Variants in PTPN9 observed in about 807,000 individuals in gnomAD.
The protein encoded by PTPN9 is protein tyrosine phosphatase non-receptor type 9.
In PTPN9, 26 loss-of-function variants were observed where a neutral mutation model predicts 69.8. That is an observed-to-expected ratio of 0.37 (90% CI 0.27 to 0.52). PTPN9 has a LOEUF of 0.52. PTPN9 is among the 20% of genes least tolerant of loss of function. The pLI, the probability that PTPN9 is intolerant of heterozygous loss-of-function variation, is 0.91. For missense variants in PTPN9, 549 were observed against 740.3 expected (o/e 0.74, Z 3.00); for synonymous variants, 274 against 272.5 (o/e 1.01, Z -0.05).
intron 1 of PTPN9, among the ~76,000 whole-genome samples, chr15:75,562,040 A>C (rs373704760): frequency 1.2e-4 from 18 of 151,712 alleles, no homozygotes; most frequent in African/African-American, 4.1e-4. Context: ...TTGTGTAGAC[A>C]TGGGGTCTTG....
chr15:75,536,845 A>T (rs772694974), intron 1 of PTPN9, among the ~76,000 whole-genome samples: 14 of 152,196 alleles, frequency 9.2e-5, no homozygotes, highest in Non-Finnish European at 1.9e-4. Flanking sequence ...AGGAAAAAAA[A>T]TCTAGCAACA....
chr15:75,504,753 T>C (rs1030671065), intron 7 of PTPN9, among the ~76,000 whole-genome samples: 1 of 137,684 alleles, frequency 7.3e-6, no homozygotes, highest in African/African-American at 2.8e-5. Context: ...TACTGGGAAG[T>C]GAGGAGCCCC....
chr15:75,530,900 TTA>T (rs1478368541), intron 1 of PTPN9, among the ~76,000 whole-genome samples: 1 of 117,650 alleles, frequency 8.5e-6, no homozygotes, highest in African/African-American at 3.2e-5. Flanking sequence ...ATATATTATA[TTA>T]TATATTATAA....
intron 5 of PTPN9, 81 bp from the exon 6 acceptor site, chr15:75,509,108 C>A: frequency 8.7e-7 from 1 of 1,144,198 alleles, no homozygotes; most frequent in Non-Finnish European, 1.3e-6. Context: ...CTGCTCTTCT[C>A]CCCATTCTTA....
At position 75,469,910 on chromosome 15, in the gene PTPN9, G is replaced by A. The variant is rs766606134; in HGVS notation, c.1449C>T (p.Phe483=). ...VPSSAASLID[F]LRVVRNQQSL... ...TCTGCTGGTTTCTGACCACTCTCAA[G>A]AAGTCAATGAGGGAAGCTGCTGAGG... The change falls in exon 12 of 13, where the codon TTC becomes TTT. Residue 483 remains phenylalanine, a synonymous_variant. Transcript: ENST00000618819. 5 of 1,614,214 alleles carry A rather than the reference G, an allele frequency of 3.1e-6. No individual in the cohort carries two copies. The South Asian group carries it at 4.4e-5, about 14-fold the overall frequency.
chr15:75,531,613 C>T (rs2074964529), intron 1 of PTPN9, among the ~76,000 whole-genome samples: 1 of 148,746 alleles, frequency 6.7e-6, no homozygotes, highest in African/African-American at 2.5e-5. Flanking sequence ...GACAGAATCT[C>T]GCTCTGTCGC....
At chr15:75,545,561 C>A (rs2075028523) in intron 1 of PTPN9, among the ~76,000 whole-genome samples, 1 of 152,148 alleles carries the variant, frequency 6.6e-6, no homozygotes, top group Admixed American at 6.6e-5. Flanking sequence ...ACAGAAGAAA[C>A]TATCTGGAAA....
intron 5 of PTPN9, among the ~76,000 whole-genome samples, chr15:75,509,767 TG>T (rs1401801354): frequency 3.3e-5 from 5 of 151,196 alleles, no homozygotes; most frequent in Admixed American, 2.6e-4. Context: ...GCAGATCACT[TG>T]ATGTCAGGAG....
At chr15:75,539,152 T>G (rs1006535398) in intron 1 of PTPN9, among the ~76,000 whole-genome samples, 23 of 152,186 alleles carry the variant, frequency 1.5e-4, no homozygotes, top group African/African-American at 5.3e-4. Context: ...TTTCACCATT[T>G]TGGCCAGGAT....
chr15:75,506,099 G>T, intron 6 of PTPN9, 96 bp from the exon 7 acceptor site: 1 of 976,758 alleles, frequency 1.0e-6, no homozygotes, highest in Non-Finnish European at 1.5e-6. Context: ...TTTGGAGGAT[G>T]GGATAAGATT....
At chr15:75,555,458 C>A (rs2075072891) in intron 1 of PTPN9, among the ~76,000 whole-genome samples, 5 of 152,006 alleles carry the variant, frequency 3.3e-5, no homozygotes, top group Admixed American at 3.3e-4. Context: ...TAGGGCAGGA[C>A]TTGAAAATGT....
At chr15:75,471,244 TG>T (rs1310741982) in intron 10 of PTPN9, among the ~76,000 whole-genome samples, 1 of 150,764 alleles carries the variant, frequency 6.6e-6, no homozygotes, top group East Asian at 1.9e-4. Flanking sequence ...GAGACCAGCC[TG>T]GGTAACATCA....
chr15:75,469,766 AC>A, intron 12 of PTPN9, 25 bp downstream of exon 12: 1 of 1,608,620 alleles, frequency 6.2e-7, no homozygotes, highest in South Asian at 1.1e-5. Flanking sequence ...CCCTGCAGAC[AC>A]CAAGAGCTGC....
At chr15:75,556,013 C>T (rs1193002218) in intron 1 of PTPN9, among the ~76,000 whole-genome samples, 1 of 86,656 alleles carries the variant, frequency 1.2e-5, no homozygotes, top group Non-Finnish European at 2.1e-5. Context: ...GCCTCGATGA[C>T]AAACAAAGCG....
In PTPN9 at chr15:75,470,914, C is replaced by G. The variant is rs148221686; in HGVS notation, c.1209-84G>C. On this transcript the variant is annotated intron_variant, in intron 10 of 12. Transcript: ENST00000618819. ...GCTTCCCCAAAGACCTGATATACCCCCAGGCAGCAATATCATCTCTTGCAT... is the reference window on the plus strand; with the variant it reads ...GCTTCCCCAAAGACCTGATATACCCGCAGGCAGCAATATCATCTCTTGCAT... The G allele has an allele frequency of 3.1e-5, 46 of 1,499,044 alleles. 1 individual carries two copies. In the East Asian group the frequency reaches 7.7e-4, roughly 25 times the overall value. The allele number at this position is 1,499,044 out of a possible 1,614,324, so 92.9% of individuals were successfully genotyped here. A position where few individuals can be genotyped will look rare whatever the true frequency, so the allele number is the denominator to read the frequency against.
chr15:75,530,440 A>T (rs1567506351), intron 1 of PTPN9, among the ~76,000 whole-genome samples: 1 of 107,010 alleles, frequency 9.3e-6, no homozygotes, highest in African/African-American at 3.6e-5. Context: ...AATATATAAT[A>T]TATTATTATT....
chr15:75,500,169 C>T (rs557058619), intron 7 of PTPN9, among the ~76,000 whole-genome samples: 9 of 152,126 alleles, frequency 5.9e-5, no homozygotes, highest in East Asian at 1.9e-4. Flanking sequence ...CAAAATTAAC[C>T]GGGTGTGGTG....
chr15:75,496,862 A>G (rs2074745539), intron 7 of PTPN9, among the ~76,000 whole-genome samples: 1 of 152,204 alleles, frequency 6.6e-6, no homozygotes, highest in Admixed American at 6.6e-5. Context: ...AAACAGCTAC[A>G]AGAGTTGAAT....
At chr15:75,471,478 C>T (rs530166016) in intron 10 of PTPN9, among the ~76,000 whole-genome samples, 80 of 151,994 alleles carry the variant, frequency 5.3e-4, no homozygotes, top group Non-Finnish European at 9.1e-4. Flanking sequence ...TGGTGGGTAC[C>T]TGTAGTCCCA....
Sources: gnomAD v4.1 joint callset for allele counts (sites outside exome capture counted in the v4.1 genomes callset) on GRCh38, gnomAD v4.1.1 for gene constraint, MANE v1.5 for transcripts, NCBI Gene and HGNC (gene_info 2026-07-23, HGNC 2026-07-21) for gene names.